Variants in IGSF5 observed in about 807,000 individuals in gnomAD.
IGSF5 encodes immunoglobulin superfamily 5 like.
A neutral mutation model predicts 39.4 loss-of-function variants in IGSF5; 41 were observed. That is an observed-to-expected ratio of 1.04 (90% CI 0.81 to 1.35). IGSF5 has a LOEUF of 1.35. IGSF5 is among the 40% of genes most tolerant of loss of function. The pLI is 0.00. For synonymous variants in IGSF5, 183 were observed against 175.3 expected, an observed-to-expected ratio of 1.04 and a Z score of -0.34; for missense variants, 487 against 494.6, an observed-to-expected ratio of 0.98 and a Z score of 0.15.
the IGSF5 span, among the ~76,000 whole-genome samples, chr21:39,719,047 G>A: frequency 1.8e-4 from 27 of 152,086 alleles, no homozygotes; most frequent in Admixed American, 1.5e-3. Context: ...GTCTGTTCCC[G>A]GAATCCATTT....
intron 3 of IGSF5, among the ~76,000 whole-genome samples, chr21:39,767,552 C>T (rs557963771): frequency 4.1e-4 from 62 of 152,238 alleles, no homozygotes; most frequent in African/African-American, 1.4e-3. Context: ...CTATGTAAAG[C>T]CTTTACCACA....
intron 3 of IGSF5, among the ~76,000 whole-genome samples, chr21:39,767,351 T>A (rs1415371413): frequency 2.0e-5 from 3 of 152,162 alleles, no homozygotes; most frequent in Non-Finnish European, 4.4e-5. Context: ...CAAAGTCCTG[T>A]CTGATTCAAT....
the IGSF5 span, among the ~76,000 whole-genome samples, chr21:39,732,381 G>T: frequency 4.3e-4 from 66 of 152,322 alleles, no homozygotes; most frequent in African/African-American, 1.5e-3. Flanking sequence ...AAGTGACAAT[G>T]TGACATTCCT....
the IGSF5 span, among the ~76,000 whole-genome samples, chr21:39,739,773 C>T: frequency 3.3e-5 from 5 of 152,036 alleles, no homozygotes; most frequent in South Asian, 2.1e-4. Context: ...CAGGGGTCCG[C>T]GGTAGATCTT....
chr21:39,776,979 G>A (rs2080144807), intron 4 of IGSF5, among the ~76,000 whole-genome samples: 1 of 152,196 alleles, frequency 6.6e-6, no homozygotes, highest in Admixed American at 6.5e-5. Flanking sequence ...GTGCACTGTA[G>A]CTTACAGCAT....
At chr21:39,757,344 A>T (rs1418955724) in intron 2 of IGSF5, among the ~76,000 whole-genome samples, 1 of 128,250 alleles carries the variant, frequency 7.8e-6, no homozygotes, top group Admixed American at 8.6e-5. Flanking sequence ...ATTGAAACGA[A>T]TGTAATAAGC....
In IGSF5 at chr21:39,800,768, T is replaced by G. The variant is rs528564815; in HGVS notation, c.1129-494T>G. 2.6e-5 allele frequency among the ~76,000 whole-genome samples: 4 copies of G among 152,330 alleles called. No individual in the cohort carries two copies. The South Asian group carries it at 6.2e-4, about 24-fold the overall frequency. ...ACAGGCATTGGCCACTCTGGAGGATTAAATGGTTTGTTTGGGATTACATTT... is the reference window on the plus strand; with the variant it reads ...ACAGGCATTGGCCACTCTGGAGGATGAAATGGTTTGTTTGGGATTACATTT... On this transcript the variant is annotated intron_variant, in intron 8 of 8. Transcript: ENST00000380588.
intron 2 of IGSF5, 146 bp from the exon 3 acceptor site, chr21:39,765,389 C>A (rs7509871): frequency 1.5e-6 from 1 of 677,514 alleles, no homozygotes; most frequent in Admixed American, 2.8e-5. Flanking sequence ...CCAGGGAGAG[C>A]TGGTGTTCGG....
At chr21:39,766,528 A>G (rs966669631) in intron 3 of IGSF5, among the ~76,000 whole-genome samples, 3 of 152,208 alleles carry the variant, frequency 2.0e-5, no homozygotes, top group African/African-American at 7.2e-5. Flanking sequence ...CTCCAACTAC[A>G]GTGGGATAGT....
At chr21:39,786,235 T>G (rs1026726037) in intron 5 of IGSF5, among the ~76,000 whole-genome samples, 18 of 151,960 alleles carry the variant, frequency 1.2e-4, no homozygotes, top group African/African-American at 4.4e-4. Context: ...ATCCAGAATC[T>G]ACAATGAACT....
chr21:39,771,516 G>A (rs1461679111), intron 4 of IGSF5, among the ~76,000 whole-genome samples: 1 of 152,020 alleles, frequency 6.6e-6, no homozygotes, highest in Non-Finnish European at 1.5e-5. Context: ...TTAAACATTT[G>A]TGTTTCTAGC....
rs557516702 is a variant in IGSF5 at position 39,801,671 on chromosome 21, T to C, written c.*314T>C. ...ACTTGTTAATCCAACAAATGGTAGA[T>C]AAAAGTCTGTATTCTACCATGCCTT... On this transcript the variant is annotated 3_prime_UTR_variant, in exon 9 of 9. Transcript: ENST00000380588. The C allele has an allele frequency of 9.7e-5, 22 of 226,088 alleles. No homozygotes were observed. The highest frequency in any genetic ancestry group is 3.6e-4 in the Admixed American group (7 of 19,604). 14.0% of individuals were successfully genotyped at this position (226,088 alleles called of 1,614,324 possible).
intron 8 of IGSF5, among the ~76,000 whole-genome samples, chr21:39,797,459 C>A (rs1422740612): frequency 6.6e-6 from 1 of 152,030 alleles, no homozygotes; most frequent in Non-Finnish European, 1.5e-5. Flanking sequence ...CCTCAGGTGA[C>A]CTGCCCACCT....
intron 2 of IGSF5, among the ~76,000 whole-genome samples, chr21:39,755,300 A>G (rs1407060299): frequency 6.6e-6 from 1 of 152,176 alleles, no homozygotes; most frequent in Admixed American, 6.5e-5. Context: ...AAATTATTAA[A>G]TGATGACCTG....
the IGSF5 span, among the ~76,000 whole-genome samples, chr21:39,715,952 A>C: frequency 6.6e-6 from 1 of 152,104 alleles, no homozygotes; most frequent in Admixed American, 6.6e-5. Flanking sequence ...ATTTTATAGG[A>C]AGTCTTTCTC....
At position 39,765,930 on chromosome 21, in the gene IGSF5, C is replaced by T. The variant is rs1051024725; in HGVS notation, c.418+78C>T. On this transcript the variant is annotated intron_variant, in intron 3 of 8. Transcript: ENST00000380588. ...GAAGGACCTTCTAAAGTTCATGCCG[C>T]GTATGATGGCAGACGTGGTCTACCT... is the stretch of plus-strand genomic sequence containing the variant. 57 of 1,292,550 alleles carry T rather than the reference C, an allele frequency of 4.4e-5. No homozygotes were observed. In the East Asian group the frequency reaches 4.7e-4, roughly 11 times the overall value. The allele number at this position is 1,292,550 out of a possible 1,614,324, so 80.1% of individuals were successfully genotyped here.
chr21:39,742,833 TA>T (rs2079954096), upstream of IGSF5, among the ~76,000 whole-genome samples: 1 of 152,106 alleles, frequency 6.6e-6, no homozygotes, highest in Non-Finnish European at 1.5e-5. Context: ...ATCTCTATTA[TA>T]AAAAAGCGAG....
upstream of IGSF5, among the ~76,000 whole-genome samples, chr21:39,743,731 T>G (rs944366329): frequency 6.6e-6 from 1 of 152,080 alleles, no homozygotes; most frequent in Non-Finnish European, 1.5e-5. Flanking sequence ...GAAAAGAAAG[T>G]TTGTACATAT....
At chr21:39,795,813 C>T (rs963592572) in intron 8 of IGSF5, among the ~76,000 whole-genome samples, 5 of 152,010 alleles carry the variant, frequency 3.3e-5, no homozygotes, top group Admixed American at 6.5e-5. Context: ...AAGGGTTTGT[C>T]GTCTTCTAGG....
Sources: allele counts gnomAD v4.1 joint callset (sites outside exome capture counted in the v4.1 genomes callset), GRCh38; gene constraint gnomAD v4.1.1; transcripts MANE v1.5; gene names NCBI Gene and HGNC (gene_info 2026-07-23, HGNC 2026-07-21).